Variants in CNTN4 observed in about 807,000 individuals in gnomAD.
The protein encoded by CNTN4 is contactin-4.
CNTN4 carries 77 observed loss-of-function variants against 122.5 expected under a neutral mutation model. The ratio of observed to expected loss-of-function variants is 0.63; its 90% confidence interval spans 0.52 to 0.76. The LOEUF (loss-of-function observed/expected upper bound fraction) is 0.76, where lower values mean the gene tolerates loss of function less well. Ranked by LOEUF, CNTN4 falls within the 30% of genes least tolerant of loss-of-function variation. CNTN4 has a pLI of 0.00. For missense variants in CNTN4, 1,256 were observed against 1,259.1 expected (o/e 1.00, Z 0.04); for synonymous variants, 512 against 447.0 (o/e 1.15, Z -1.83).
Position 2,112,642 on chromosome 3 carries a change from C to G in CNTN4, c.-145+12003C>G, listed in dbSNP as rs571293808. 2.0e-4 allele frequency among the ~76,000 whole-genome samples: 30 copies of G among 152,240 alleles called. No homozygotes were observed. In the South Asian group the frequency reaches 6.0e-3, roughly 31 times the overall value. ...TATGGGATTCAAAGAATGTTTATATCAAAAACTGTTTTGTTTAGAGCTTAT... is the reference window on the plus strand; with the variant it reads ...TATGGGATTCAAAGAATGTTTATATGAAAAACTGTTTTGTTTAGAGCTTAT... On this transcript the variant is annotated intron_variant, in intron 2 of 24. Coordinates refer to ENST00000418658, the MANE Select transcript of CNTN4 (RefSeq NM_175607.3).
intron 3 of CNTN4, among the ~76,000 whole-genome samples, chr3:2,544,236 G>A (rs373797871): frequency 6.6e-6 from 1 of 152,200 alleles, no homozygotes; most frequent in East Asian, 1.9e-4. Context: ...TCAAGCTTAA[G>A]TATTTTGGTA....
chr3:2,906,549 A>G (rs988683715), intron 12 of CNTN4, among the ~76,000 whole-genome samples: 1 of 152,160 alleles, frequency 6.6e-6, no homozygotes, highest in African/African-American at 2.4e-5. Flanking sequence ...TGAAAAAGAA[A>G]GATGGTGGCC....
At chr3:2,575,454 T>G (rs1240671096) in intron 4 of CNTN4, among the ~76,000 whole-genome samples, 1 of 152,038 alleles carries the variant, frequency 6.6e-6, no homozygotes, top group African/African-American at 2.4e-5. Context: ...GAGGTTGCAG[T>G]GAGCCGAGAT....
At chr3:2,503,764 G>T (rs903385428) in intron 3 of CNTN4, among the ~76,000 whole-genome samples, 4 of 152,034 alleles carry the variant, frequency 2.6e-5, no homozygotes, top group African/African-American at 9.7e-5. Context: ...ACATAGATAG[G>T]AAAAATAGCA....
chr3:2,601,153 C>T (rs1379112306), intron 4 of CNTN4, among the ~76,000 whole-genome samples: 2 of 152,042 alleles, frequency 1.3e-5, no homozygotes, highest in African/African-American at 4.8e-5. Flanking sequence ...CTGTAGGTTG[C>T]CTGTTCACTC....
At chr3:2,612,243 G>C (rs4386486) in intron 4 of CNTN4, among the ~76,000 whole-genome samples, 72,532 of 151,682 alleles carry the variant, frequency 0.48, 18,053 homozygotes, top group Middle Eastern at 0.57. Context: ...TACAGCTAAC[G>C]AAACCAAATG....
intron 2 of CNTN4, among the ~76,000 whole-genome samples, chr3:2,211,663 A>C (rs935756927): frequency 1.2e-4 from 19 of 152,198 alleles, no homozygotes; most frequent in African/African-American, 4.6e-4. Flanking sequence ...CCTCACATTG[A>C]ATTTAAATTT....
intron 4 of CNTN4, among the ~76,000 whole-genome samples, chr3:2,651,009 A>T (rs1202737802): frequency 3.3e-5 from 5 of 152,182 alleles, no homozygotes; most frequent in Non-Finnish European, 7.4e-5. Context: ...TCCTGTTATA[A>T]AGGTTATAGA....
At chr3:2,279,130 C>T (rs1199868123) in intron 2 of CNTN4, among the ~76,000 whole-genome samples, 1 of 151,932 alleles carries the variant, frequency 6.6e-6, no homozygotes, top group Admixed American at 6.6e-5. Context: ...ACAAACAAAA[C>T]TAATAATCAA....
rs551479840 is a variant in CNTN4, at chr3:2,170,165, C to CA, written c.-145+69532dup. Among the ~76,000 whole-genome samples the CA allele has an allele frequency of 1.2e-4, 18 of 145,944 alleles. No homozygotes were observed. In the East Asian group the frequency reaches 3.0e-3, roughly 24 times the overall value. ...TGAAACCCCGTCTCTACTAAAAATA[C>CA]AAAAAATTAGCCGGGCGTGGTGGCG... On this transcript the variant is annotated intron_variant, in intron 2 of 24. Coordinates refer to ENST00000418658, the MANE Select transcript of CNTN4 (RefSeq NM_175607.3).
At chr3:2,457,925 G>A (rs1016286427) in intron 3 of CNTN4, among the ~76,000 whole-genome samples, 1 of 152,116 alleles carries the variant, frequency 6.6e-6, no homozygotes, top group Admixed American at 6.6e-5. Flanking sequence ...TACATTATTA[G>A]TAGAAATGAG....
intron 2 of CNTN4, among the ~76,000 whole-genome samples, chr3:2,138,259 G>A (rs1025260720): frequency 6.6e-6 from 1 of 151,896 alleles, no homozygotes; most frequent in African/African-American, 2.4e-5. Flanking sequence ...CTAGGGACGG[G>A]GTTTCACCAT....
intron 2 of CNTN4, among the ~76,000 whole-genome samples, chr3:2,152,830 G>C (rs1343958710): frequency 6.6e-6 from 1 of 152,074 alleles, no homozygotes; most frequent in Non-Finnish European, 1.5e-5. Context: ...CTCCCAGATC[G>C]GGCTCAGCCT....
intron 2 of CNTN4, among the ~76,000 whole-genome samples, chr3:2,128,857 A>G (rs912645805): frequency 2.0e-5 from 3 of 152,234 alleles, no homozygotes; most frequent in Non-Finnish European, 2.9e-5. Context: ...TGTTTCCTCA[A>G]CGTATAGTGA....
intron 4 of CNTN4, among the ~76,000 whole-genome samples, chr3:2,626,823 C>G (rs991184337): frequency 1.3e-5 from 2 of 152,168 alleles, no homozygotes; most frequent in African/African-American, 2.4e-5. Context: ...GCTAGAGATA[C>G]AAAAATTGTT....
chr3:2,662,618 A>C (rs1424786284), intron 4 of CNTN4, among the ~76,000 whole-genome samples: 1 of 152,172 alleles, frequency 6.6e-6, no homozygotes, highest in Non-Finnish European at 1.5e-5. Flanking sequence ...AGGGTTTGGT[A>C]AGCAGCTAAC....
intron 4 of CNTN4, among the ~76,000 whole-genome samples, chr3:2,706,074 C>A (rs2086716615): frequency 6.8e-6 from 1 of 146,482 alleles, no homozygotes; most frequent in Non-Finnish European, 1.5e-5. Context: ...TTTTAAAACA[C>A]TAAGTGTAAA....
At chr3:2,317,902 C>T (rs374377107) in intron 2 of CNTN4, among the ~76,000 whole-genome samples, 21 of 152,226 alleles carry the variant, frequency 1.4e-4, no homozygotes, top group African/African-American at 3.4e-4. Flanking sequence ...TTTGCATCAA[C>T]GATATAGATG....
rs982155637 is a variant in CNTN4, at chr3:2,599,178, G to A, written c.55+27620G>A. ...TGTAGGGACCATGGAGTGTAGAGTT[G>A]GAGGTTCGGCCAAAGCCCTCCTGGG... On this transcript the variant is annotated intron_variant, in intron 4 of 24. Transcript: ENST00000418658. Among the ~76,000 whole-genome samples, 6 of 152,080 alleles carry A rather than the reference G, an allele frequency of 3.9e-5. No homozygotes were observed. In the East Asian group the frequency reaches 1.2e-3, roughly 30 times the overall value.
Sources: gnomAD v4.1 joint callset for allele counts (sites outside exome capture counted in the v4.1 genomes callset) on GRCh38, gnomAD v4.1.1 for gene constraint, MANE v1.5 for transcripts, NCBI Gene and HGNC (gene_info 2026-07-23, HGNC 2026-07-21) for gene names.